NKAIN2: variants seen among roughly 807,000 people sequenced by gnomAD.
NKAIN2 encodes sodium/potassium transporting ATPase interacting 2, also known as sodium/potassium-transporting ATPase subunit beta-1-interacting protein 2.
In NKAIN2, 14 loss-of-function variants were observed where a neutral mutation model predicts 32.6. The observed-to-expected ratio is 0.43, with a 90% CI of 0.28 to 0.67. NKAIN2 has a LOEUF of 0.67. Among genes scored for constraint, NKAIN2 ranks in the 30% least tolerant of loss-of-function variants. The probability of loss-of-function intolerance (pLI) is 0.17; values close to 1 mark genes in which losing one functional copy is unlikely to be tolerated. For synonymous variants in NKAIN2, 80 were observed against 87.2 expected (o/e 0.92, Z 0.46); for missense variants, 198 against 258.3 (o/e 0.77, Z 1.60).
At chr6:124,800,066 G>A (rs1199543302) in intron 5 of NKAIN2, among the ~76,000 whole-genome samples, 1 of 152,158 alleles carries the variant, frequency 6.6e-6, no homozygotes, top group Non-Finnish European at 1.5e-5. Context: ...ATGAGAGCAA[G>A]ACAAAACGCT....
intron 3 of NKAIN2, among the ~76,000 whole-genome samples, chr6:124,554,601 C>A (rs1780407420): frequency 6.6e-6 from 1 of 152,174 alleles, no homozygotes; most frequent in Non-Finnish European, 1.5e-5. Flanking sequence ...AGGAGATGAA[C>A]ATTTATTATT....
At chr6:124,315,424 T>A (rs1796908750) in intron 2 of NKAIN2, among the ~76,000 whole-genome samples, 1 of 150,636 alleles carries the variant, frequency 6.6e-6, no homozygotes, top group African/African-American at 2.5e-5. Flanking sequence ...AGCAATTTTT[T>A]TAGGATAGTG....
chr6:124,192,372 G>C (rs1790062245), intron 1 of NKAIN2, among the ~76,000 whole-genome samples: 1 of 152,138 alleles, frequency 6.6e-6, no homozygotes, highest in African/African-American at 2.4e-5. Context: ...TTAGTGGCAT[G>C]TTATTTACAA....
intron 3 of NKAIN2, among the ~76,000 whole-genome samples, chr6:124,481,416 T>A (rs932954487): frequency 6.6e-6 from 1 of 152,042 alleles, no homozygotes; most frequent in Non-Finnish European, 1.5e-5. Flanking sequence ...ATTATTACTC[T>A]CTACAAAATT....
At chr6:124,493,063 T>A (rs1777927605) in intron 3 of NKAIN2, among the ~76,000 whole-genome samples, 1 of 151,866 alleles carries the variant, frequency 6.6e-6, no homozygotes, top group Non-Finnish European at 1.5e-5. Flanking sequence ...TTATAGTGAT[T>A]AGATTAGAAA....
At chr6:124,269,913 T>G (rs1349388455) in intron 1 of NKAIN2, among the ~76,000 whole-genome samples, 1 of 152,168 alleles carries the variant, frequency 6.6e-6, no homozygotes, top group Non-Finnish European at 1.5e-5. Context: ...CTCCCATCCT[T>G]ATGAAATTGA....
rs962407973 is a variant in NKAIN2 at position 124,650,430 on chromosome 6, A to G, written c.274-7756A>G. On this transcript the variant is annotated intron_variant, in intron 3 of 6. Transcript: ENST00000368417. ...CACAAAAGGAAATATATAGGTATCA[A>G]TTTGTCTTCAACTATTTTGTGCTGC... 3.3e-5 allele frequency among the ~76,000 whole-genome samples: 5 copies of G among 152,176 alleles called. No homozygotes were observed. In the East Asian group the frequency reaches 5.8e-4, roughly 18 times the overall value.
At chr6:124,027,838 C>CT (rs959898657) in intron 1 of NKAIN2, among the ~76,000 whole-genome samples, 7 of 152,140 alleles carry the variant, frequency 4.6e-5, no homozygotes, top group African/African-American at 1.7e-4. Flanking sequence ...TATATCCATT[C>CT]TTTGCACTTC....
chr6:124,669,589 C>T (rs115022095), intron 4 of NKAIN2, among the ~76,000 whole-genome samples: 206 of 152,106 alleles, frequency 1.4e-3, no homozygotes, highest in African/African-American at 4.6e-3. Context: ...GGGTAGGGAA[C>T]TCTACTCAGG....
chr6:124,653,237 C>A (rs1317934750), intron 3 of NKAIN2, among the ~76,000 whole-genome samples: 1 of 151,878 alleles, frequency 6.6e-6, no homozygotes, highest in Non-Finnish European at 1.5e-5. Context: ...TAACACCTAA[C>A]CTCAAGAGTT....
intron 4 of NKAIN2, among the ~76,000 whole-genome samples, chr6:124,699,685 T>C (rs1157120785): frequency 6.6e-6 from 1 of 152,162 alleles, no homozygotes; most frequent in East Asian, 1.9e-4. Flanking sequence ...TCCAACATGA[T>C]TACAAGTTTC....
chr6:123,893,343 G>A (rs969177857), intron 1 of NKAIN2, among the ~76,000 whole-genome samples: 1 of 152,086 alleles, frequency 6.6e-6, no homozygotes, highest in African/African-American at 2.4e-5. Context: ...TAGGACTGCA[G>A]GTTCTTGCCA....
At chr6:124,489,707 G>T (rs1021825083) in intron 3 of NKAIN2, among the ~76,000 whole-genome samples, 2 of 151,792 alleles carry the variant, frequency 1.3e-5, no homozygotes, top group African/African-American at 4.8e-5. Context: ...TATTGCTTTT[G>T]CACCATCATG....
intron 1 of NKAIN2, among the ~76,000 whole-genome samples, chr6:124,083,515 T>C (rs1784064945): frequency 6.6e-6 from 1 of 151,854 alleles, no homozygotes; most frequent in Non-Finnish European, 1.5e-5. Context: ...TTTTATAATA[T>C]AAAATTTATA....
intron 1 of NKAIN2, among the ~76,000 whole-genome samples, chr6:123,869,619 T>C (rs1169118136): frequency 6.6e-6 from 1 of 152,230 alleles, no homozygotes; most frequent in East Asian, 1.9e-4. Flanking sequence ...ATTGGATTCA[T>C]ATCAATTTCT....
chr6:124,600,386 T>G (rs1782260844), intron 3 of NKAIN2, among the ~76,000 whole-genome samples: 1 of 152,082 alleles, frequency 6.6e-6, no homozygotes, highest in African/African-American at 2.4e-5. Flanking sequence ...GAACCTAAAT[T>G]TTATTTTTAC....
chr6:124,083,322 G>C (rs1784056660), intron 1 of NKAIN2, among the ~76,000 whole-genome samples: 2 of 151,786 alleles, frequency 1.3e-5, no homozygotes, highest in South Asian at 4.1e-4. Context: ...ACATCTAATA[G>C]AGTGCCTGAT....
chr6:123,803,948 C>T lies in NKAIN2; in HGVS notation c.-253C>T, dbSNP rs1254564880. Among the ~76,000 whole-genome samples the T allele has an allele frequency of 6.6e-6, 1 of 150,500 alleles. No homozygotes were observed. Among genetic ancestry groups the T allele is most frequent in the East Asian group, 2.0e-4 (1 of 5,114 alleles). ...AGCGCGCCTCCGCAGGCGGCACTGC[C>T]CGCGGCGCGGCGTGTGCACCGAGCG... is the stretch of plus-strand genomic sequence containing the variant. On this transcript the variant is annotated 5_prime_UTR_variant, in exon 1 of 7. Transcript: ENST00000368417.
chr6:123,943,083 G>A (rs886648487), intron 1 of NKAIN2, among the ~76,000 whole-genome samples: 10 of 151,920 alleles, frequency 6.6e-5, no homozygotes, highest in African/African-American at 1.4e-4. Flanking sequence ...ATGCATTTAC[G>A]TTGATAGTTT....
Sources: gnomAD v4.1 joint callset for allele counts (sites outside exome capture counted in the v4.1 genomes callset) on GRCh38, gnomAD v4.1.1 for gene constraint, MANE v1.5 for transcripts, NCBI Gene and HGNC (gene_info 2026-07-23, HGNC 2026-07-21) for gene names.